SULT4A1: variants seen among roughly 807,000 people sequenced by gnomAD.
SULT4A1 encodes the protein sulfotransferase 4A1.
SULT4A1 carries 11 observed loss-of-function variants against 35.2 expected under a neutral mutation model. The ratio of observed to expected loss-of-function variants is 0.31; its 90% confidence interval spans 0.20 to 0.52. The LOEUF (loss-of-function observed/expected upper bound fraction) is 0.52. Ranked by LOEUF, SULT4A1 falls within the 20% of genes least tolerant of loss-of-function variation. SULT4A1 has a pLI of 0.97. For missense variants in SULT4A1, 271 were observed against 383.7 expected, an observed-to-expected ratio of 0.71 and a Z score of 2.45; for synonymous variants, 152 against 151.8, an observed-to-expected ratio of 1.00 and a Z score of -0.01.
chr22:43,862,203 G>T lies in SULT4A1; in HGVS notation c.169+11C>A. 6.5e-7 allele frequency: 1 copy of T among 1,530,512 alleles called. No individual in the cohort carries two copies. The highest frequency in any genetic ancestry group is 8.8e-7 in the Non-Finnish European group (1 of 1,139,348). 94.8% of individuals were successfully genotyped at this position (1,530,512 alleles called of 1,614,324 possible). A position where few individuals can be genotyped will look rare whatever the true frequency, so the allele number is the denominator to read the frequency against. On this transcript the variant is annotated intron_variant, in intron 1 of 6. Transcript: ENST00000330884. Reference sequence around the variant, plus strand: ...GCATGGCGTGGCGGGCGCGGTCGGCGCGGGGCTCACCGGACTTGGGGTAGG... The same window carrying T: ...GCATGGCGTGGCGGGCGCGGTCGGCTCGGGGCTCACCGGACTTGGGGTAGG...
chr22:43,861,668 G>C (rs2049470059), intron 1 of SULT4A1, among the ~76,000 whole-genome samples: 1 of 152,256 alleles, frequency 6.6e-6, no homozygotes, highest in African/African-American at 2.4e-5. Context: ...TGAAACAAGA[G>C]AATGTACAAG....
intron 2 of SULT4A1, 102 bp downstream of exon 2, chr22:43,841,700 C>T (rs1395965890): frequency 6.6e-7 from 1 of 1,518,890 alleles, no homozygotes; most frequent in Admixed American, 1.8e-5. Context: ...ATCTGCTCTC[C>T]CCTAATCCAC....
chr22:43,832,699 C>CT lies in SULT4A1; in HGVS notation c.603+940_603+941insA, dbSNP rs1367289370. ...ACCACCCCAGGGCCACAAGGCACAG[C>CT]CCCCACCCCAGCGCCATAGGGGACC... On this transcript the variant is annotated intron_variant, in intron 5 of 6. Coordinates refer to ENST00000330884, the MANE Select transcript of SULT4A1 (RefSeq NM_014351.4). 2.6e-5 allele frequency among the ~76,000 whole-genome samples: 4 copies of CT among 152,250 alleles called. No homozygotes were observed. In the East Asian group the frequency reaches 7.7e-4, roughly 29 times the overall value.
intron 5 of SULT4A1, among the ~76,000 whole-genome samples, 186 bp from the exon 6 acceptor site, chr22:43,829,384 C>T (rs1421336165): frequency 1.3e-5 from 2 of 152,212 alleles, no homozygotes; most frequent in Admixed American, 1.3e-4. Flanking sequence ...CAAGTGTGCT[C>T]AGCTCTCACG....
intron 1 of SULT4A1, among the ~76,000 whole-genome samples, chr22:43,845,295 G>T (rs987189327): frequency 6.6e-6 from 1 of 152,110 alleles, no homozygotes; most frequent in African/African-American, 2.4e-5. Flanking sequence ...CAGCCTCCGG[G>T]GCACATGCCC....
At chr22:43,842,975 A>ATCTC (rs695712) in intron 1 of SULT4A1, among the ~76,000 whole-genome samples, 33,843 of 144,360 alleles carry the variant, frequency 0.23, 4,195 homozygotes, top group Middle Eastern at 0.3. Flanking sequence ...AGTAAACAGC[A>ATCTC]TCTCTCTCTC....
intron 2 of SULT4A1, among the ~76,000 whole-genome samples, chr22:43,840,951 C>G (rs915045667): frequency 6.6e-6 from 1 of 152,114 alleles, no homozygotes; most frequent in African/African-American, 2.4e-5. Flanking sequence ...GACTGCTGGT[C>G]CCCCCCTGAT....
At chr22:43,845,972 G>C (rs2063473751) in intron 1 of SULT4A1, among the ~76,000 whole-genome samples, 2 of 152,140 alleles carry the variant, frequency 1.3e-5, no homozygotes, top group Non-Finnish European at 2.9e-5. Context: ...AAAGGTTGGG[G>C]ACCACTATTC....
chr22:43,826,079 G>T lies in SULT4A1; in HGVS notation c.777C>A (p.Val259=). 6.2e-7 allele frequency: 1 copy of T among 1,614,210 alleles called. No homozygotes were observed. Among genetic ancestry groups the T allele is most frequent in the South Asian group, 1.1e-5 (1 of 91,082 alleles). ...CCAAGTCAAACTTCTCATTCATGGA[G>T]ACGGTGAAGATGTCCTTCCACAGCC... The part of the protein sequence containing the change: ...RVGLWKDIFT[V]SMNEKFDLVY... Residue 259 remains valine (V), a synonymous_variant, in exon 7 of 7, where the codon GTC becomes GTA. Transcript: ENST00000330884.
rs763100645 is a variant in SULT4A1, at chr22:43,829,217, G to C, written c.604-19C>G. On this transcript the variant is annotated intron_variant, in intron 5 of 6. Transcript: ENST00000330884. ...CCAGGTCCTGGAAGACAAGTGCAGA[G>C]AGCAGAGCAGCCCATCAGAGGCGGG... The C allele has an allele frequency of 3.3e-6, 5 of 1,535,796 alleles. No homozygotes were observed. The highest frequency in any genetic ancestry group is 3.5e-6 in the Non-Finnish European group (4 of 1,137,314).
At chr22:43,862,181 T>C (rs985226833) in intron 1 of SULT4A1, 33 bp downstream of exon 1, 3 of 1,504,188 alleles carry the variant, frequency 2.0e-6, no homozygotes, top group Non-Finnish European at 2.7e-6. Context: ...GGCTGGGGCA[T>C]GGCGTGGCGG....
chr22:43,851,901 C>T (rs182507291), intron 1 of SULT4A1, among the ~76,000 whole-genome samples: 21 of 152,256 alleles, frequency 1.4e-4, no homozygotes, highest in South Asian at 8.3e-4. Flanking sequence ...GCCACCCTCA[C>T]GACTGCGGCA....
intron 1 of SULT4A1, among the ~76,000 whole-genome samples, chr22:43,849,797 T>C (rs552898670): frequency 3.3e-5 from 5 of 152,340 alleles, no homozygotes; most frequent in African/African-American, 1.2e-4. Context: ...TAACCCTCGC[T>C]GGCAGAAGGC....
intron 6 of SULT4A1, 195 bp downstream of exon 6, chr22:43,828,865 A>G (rs1603403785): frequency 1.9e-6 from 1 of 530,258 alleles, no homozygotes; most frequent in Non-Finnish European, 3.2e-6. Flanking sequence ...CGGGCAGGGT[A>G]CTCCGTCACT....
At chr22:43,833,602 C>G in intron 5 of SULT4A1, 38 bp downstream of exon 5, 1 of 1,551,524 alleles carries the variant, frequency 6.4e-7, no homozygotes, top group Non-Finnish European at 8.8e-7. Context: ...GGCCGAGGGC[C>G]AGGGCACCCG....
At chr22:43,849,864 G>A (rs951648413) in intron 1 of SULT4A1, among the ~76,000 whole-genome samples, 4 of 152,152 alleles carry the variant, frequency 2.6e-5, no homozygotes, top group South Asian at 2.1e-4. Context: ...CTTAAGCCCC[G>A]ACAGCTGGGT....
intron 1 of SULT4A1, among the ~76,000 whole-genome samples, chr22:43,842,187 A>T (rs960583151): frequency 6.6e-6 from 1 of 152,194 alleles, no homozygotes; most frequent in Non-Finnish European, 1.5e-5. Flanking sequence ...AGAACAGAAC[A>T]GAACCCAGCC....
At chr22:43,852,793 G>A (rs541943553) in intron 1 of SULT4A1, among the ~76,000 whole-genome samples, 6 of 150,038 alleles carry the variant, frequency 4.0e-5, no homozygotes, top group South Asian at 2.2e-4. Flanking sequence ...CAAGACTTCC[G>A]GAGCCCAGCT....
intron 6 of SULT4A1, chr22:43,827,122 G>A: frequency 2.0e-6 from 2 of 985,458 alleles, no homozygotes; most frequent in Non-Finnish European, 2.4e-6. Context: ...TGGGAGCTGT[G>A]AGCACATCAC....
Sources: gnomAD v4.1 joint callset for allele counts (sites outside exome capture counted in the v4.1 genomes callset) on GRCh38, gnomAD v4.1.1 for gene constraint, MANE v1.5 for transcripts, NCBI Gene and HGNC (gene_info 2026-07-23, HGNC 2026-07-21) for gene names.